Variants in CDC123 observed in about 807,000 individuals in gnomAD.
CDC123 encodes the protein cell division cycle 123, also known as translation initiation factor eIF2 assembly protein.
Under a neutral mutation model 54.4 loss-of-function variants are expected in CDC123, and 37 were observed. The observed-to-expected ratio is 0.68, with a 90% CI of 0.52 to 0.89. The LOEUF (loss-of-function observed/expected upper bound fraction) is 0.89. Ranked by LOEUF, CDC123 falls within the 40% of genes least tolerant of loss-of-function variation. The pLI, the probability that CDC123 is intolerant of heterozygous loss-of-function variation, is 0.00. For missense variants in CDC123, 361 were observed against 412.1 expected (o/e 0.88, Z 1.07); for synonymous variants, 144 against 136.8 (o/e 1.05, Z -0.37).
At chr10:12,211,793 T>G (rs555774170) in intron 4 of CDC123, among the ~76,000 whole-genome samples, 1 of 152,202 alleles carries the variant, frequency 6.6e-6, no homozygotes, top group East Asian at 1.9e-4. Flanking sequence ...GTGGGGAGTA[T>G]CAGTATCAAC....
At chr10:12,223,366 A>G (rs1344615497) in intron 6 of CDC123, among the ~76,000 whole-genome samples, 2 of 151,976 alleles carry the variant, frequency 1.3e-5, no homozygotes, top group Non-Finnish European at 2.9e-5. Flanking sequence ...GCTCACTGCA[A>G]CCGCTGCCTC....
chr10:12,206,729 A>C (rs192775466), intron 2 of CDC123, among the ~76,000 whole-genome samples: 14 of 152,196 alleles, frequency 9.2e-5, no homozygotes, highest in South Asian at 2.1e-4. Flanking sequence ...GAGGCCAAGG[A>C]GGGCGGATCA....
At chr10:12,235,855 G>A (rs189367376) in intron 8 of CDC123, among the ~76,000 whole-genome samples, 6 of 152,282 alleles carry the variant, frequency 3.9e-5, no homozygotes, top group East Asian at 1.9e-4. Flanking sequence ...ACTCTAAAGC[G>A]GGGGGTCCTG....
intron 2 of CDC123, among the ~76,000 whole-genome samples, chr10:12,209,449 G>C (rs2131735971): frequency 6.6e-6 from 1 of 152,188 alleles, no homozygotes; most frequent in Non-Finnish European, 1.5e-5. Context: ...TACCCAGGCT[G>C]GTCTCAAACT....
chr10:12,240,336 C>T (rs991841441), intron 10 of CDC123, among the ~76,000 whole-genome samples: 7 of 152,196 alleles, frequency 4.6e-5, no homozygotes, highest in African/African-American at 1.4e-4. Flanking sequence ...GTCACCTACA[C>T]ACAAGCAGAA....
At chr10:12,206,563 G>A (rs1210329677) in intron 2 of CDC123, among the ~76,000 whole-genome samples, 1 of 152,214 alleles carries the variant, frequency 6.6e-6, no homozygotes, top group Non-Finnish European at 1.5e-5. Context: ...TGTAATCCCA[G>A]CACTTTGGGA....
At chr10:12,216,845 T>C (rs1412040208) in intron 5 of CDC123, among the ~76,000 whole-genome samples, 1 of 152,236 alleles carries the variant, frequency 6.6e-6, no homozygotes, top group Admixed American at 6.5e-5. Context: ...GTATGAGACA[T>C]TCACCATTTA....
intron 2 of CDC123, among the ~76,000 whole-genome samples, chr10:12,208,366 C>T (rs1223547601): frequency 6.6e-6 from 1 of 152,130 alleles, no homozygotes; most frequent in African/African-American, 2.4e-5. Context: ...GCTGGGTGGC[C>T]CTTTTCAGCC....
intron 2 of CDC123, among the ~76,000 whole-genome samples, chr10:12,203,326 G>A (rs1250848408): frequency 2.0e-5 from 3 of 152,194 alleles, no homozygotes; most frequent in Non-Finnish European, 2.9e-5. Context: ...TTAGCACATA[G>A]TCTGGGTTCA....
intron 6 of CDC123, among the ~76,000 whole-genome samples, chr10:12,221,977 T>A (rs1478926511): frequency 6.6e-6 from 1 of 152,142 alleles, no homozygotes; most frequent in Non-Finnish European, 1.5e-5. Flanking sequence ...AAACACAGGT[T>A]CCTGGGCTCC....
chr10:12,239,825 G>A (rs1182900401), intron 10 of CDC123, among the ~76,000 whole-genome samples: 11 of 151,732 alleles, frequency 7.2e-5, no homozygotes, highest in African/African-American at 2.4e-4. Flanking sequence ...TGGCTAAAAC[G>A]GTGAAACCCT....
intron 6 of CDC123, among the ~76,000 whole-genome samples, chr10:12,223,846 A>G (rs1835769516): frequency 6.6e-6 from 1 of 152,048 alleles, no homozygotes; most frequent in Admixed American, 6.6e-5. Context: ...GACGTACACT[A>G]TGTATTTCCC....
At chr10:12,245,042 A>C (rs911156997) in intron 10 of CDC123, 2 of 152,350 alleles carry the variant, frequency 1.3e-5, no homozygotes, top group South Asian at 2.1e-4. Context: ...ACAGAAAAAA[A>C]CCCAGCATCT....
intron 6 of CDC123, among the ~76,000 whole-genome samples, chr10:12,219,694 T>TG (rs1047527250): frequency 1.1e-4 from 16 of 147,780 alleles, no homozygotes; most frequent in African/African-American, 4.2e-4. Flanking sequence ...ATAATGGTTT[T>TG]TTTTTTTTTT....
chr10:12,246,404 T>G, intron 11 of CDC123, 127 bp downstream of exon 11: 2 of 1,027,348 alleles, frequency 1.9e-6, no homozygotes, highest in South Asian at 1.7e-5. Flanking sequence ...TAACACAGCT[T>G]TACTAATAGC....
chr10:12,247,585 CT>C (rs1343833002), intron 11 of CDC123: 1 of 152,350 alleles, frequency 6.6e-6, no homozygotes, highest in Non-Finnish European at 1.5e-5. Flanking sequence ...AATTCTTCCT[CT>C]CTATCAACTC....
intron 6 of CDC123, among the ~76,000 whole-genome samples, chr10:12,225,703 C>CA (rs1835801729): frequency 6.8e-6 from 1 of 147,488 alleles, no homozygotes; most frequent in African/African-American, 2.5e-5. Flanking sequence ...GAGCCAGTCC[C>CA]AAAAAATAAT....
chr10:12,200,141 T>TTTTTTGTTTTTTG (rs1835421934), intron 2 of CDC123, among the ~76,000 whole-genome samples: 1 of 137,450 alleles, frequency 7.3e-6, no homozygotes. Flanking sequence ...TTTTTTTTTT[T>TTTTTTGTTTTTTG]TTAAAGATGG....
intron 4 of CDC123, 101 bp downstream of exon 4, chr10:12,210,423 C>T: frequency 1.5e-6 from 2 of 1,375,668 alleles, no homozygotes; most frequent in Non-Finnish European, 2.0e-6. Flanking sequence ...CCTAGTCAGT[C>T]ACCATCTCAT....
Sources: allele counts gnomAD v4.1 joint callset (sites outside exome capture counted in the v4.1 genomes callset), GRCh38; gene constraint gnomAD v4.1.1; transcripts MANE v1.5; gene names NCBI Gene and HGNC (gene_info 2026-07-23, HGNC 2026-07-21).